The following PUM1 variants were observed in gnomAD, a reference collection of about 807,000 sequenced individuals.
PUM1 encodes pumilio homolog 1.
In PUM1, 13 loss-of-function variants were observed where a neutral mutation model predicts 131.8. That is an observed-to-expected ratio of 0.10 (90% confidence interval 0.06 to 0.16). The LOEUF is 0.16. Among genes scored for constraint, PUM1 ranks in the 10% least tolerant of loss-of-function variants. The pLI, the probability that PUM1 is intolerant of heterozygous loss-of-function variation, is 1.00. For missense variants in PUM1, 961 were observed against 1,512.4 expected (o/e 0.64, Z 6.05); for synonymous variants, 509 against 556.5 (o/e 0.91, Z 1.20).
chr1:30,955,074 A>C (rs185770060), intron 14 of PUM1, among the ~76,000 whole-genome samples: 52 of 152,022 alleles, frequency 3.4e-4, no homozygotes, highest in South Asian at 1.2e-3. Context: ...GTCTCCAAAA[A>C]AAACAAACAA....
rs1639022127 is a variant in PUM1 at position 30,933,013 on chromosome 1, CAT to C, written c.*196_*197del. Reference sequence around the variant, plus strand: ...AATTAGTCAATTAAAAAAAATAGTACATGTTATGTGTAATAAAATTAAATTTA... The same window carrying C: ...AATTAGTCAATTAAAAAAAATAGTACGTTATGTGTAATAAAATTAAATTTA... On this transcript the variant is annotated 3_prime_UTR_variant, in exon 22 of 22. Transcript: ENST00000426105. 2 of 570,760 alleles carry C rather than the reference CAT, an allele frequency of 3.5e-6. No individual in the cohort carries two copies. Among genetic ancestry groups the C allele is most frequent in the East Asian group, 3.5e-5 (1 of 28,708 alleles). The allele number at this position is 570,760 out of a possible 1,614,324, so 35.4% of individuals were successfully genotyped here. A position where few individuals can be genotyped will look rare whatever the true frequency, so the allele number is the denominator to read the frequency against.
intron 2 of PUM1, among the ~76,000 whole-genome samples, chr1:31,053,905 G>A (rs1470316601): frequency 6.6e-6 from 1 of 151,960 alleles, no homozygotes; most frequent in Non-Finnish European, 1.5e-5. Flanking sequence ...GACTAGCCTG[G>A]CCAACATGGT....
chr1:30,979,697 G>C (rs1298127502), intron 9 of PUM1, among the ~76,000 whole-genome samples: 3 of 152,104 alleles, frequency 2.0e-5, no homozygotes, highest in East Asian at 1.9e-4. Flanking sequence ...GGAGGTGAGA[G>C]AGGCAAGGAA....
chr1:30,987,073 A>AT (rs1180114746), intron 7 of PUM1, among the ~76,000 whole-genome samples: 5 of 152,202 alleles, frequency 3.3e-5, no homozygotes. Context: ...AACATACTAC[A>AT]TTAGGCTATT....
intron 1 of PUM1, among the ~76,000 whole-genome samples, chr1:31,065,396 G>A (rs189155274): frequency 1.1e-4 from 17 of 151,716 alleles, no homozygotes; most frequent in Non-Finnish European, 4.4e-5. Flanking sequence ...CTTCGACCCC[G>A]CTCCCCACCC....
chr1:30,968,544 A>ACCTAC, intron 10 of PUM1, 52 bp from the exon 11 acceptor site: 2 of 1,563,836 alleles, frequency 1.3e-6, no homozygotes, highest in Non-Finnish European at 1.7e-6. Context: ...ATTGGAGAAG[A>ACCTAC]CCTACCCTAT....
At chr1:31,010,907 A>G (rs1642587471) in intron 3 of PUM1, among the ~76,000 whole-genome samples, 1 of 152,156 alleles carries the variant, frequency 6.6e-6, no homozygotes, top group Non-Finnish European at 1.5e-5. Flanking sequence ...GGTGGCTTAC[A>G]CCTGTAATCC....
intron 10 of PUM1, among the ~76,000 whole-genome samples, chr1:30,969,390 G>C (rs2124446669): frequency 6.7e-6 from 1 of 150,130 alleles, no homozygotes; most frequent in East Asian, 1.9e-4. Context: ...AAGATGAACA[G>C]GGGTAATTTA....
intron 13 of PUM1, among the ~76,000 whole-genome samples, chr1:30,965,698 C>G (rs7515568): frequency 6.6e-6 from 1 of 151,960 alleles, no homozygotes; most frequent in Admixed American, 6.5e-5. Context: ...TCAATTTCTA[C>G]AGTTCCCTCA....
chr1:30,960,138 A>C (rs1013636514), intron 14 of PUM1, among the ~76,000 whole-genome samples: 1 of 152,214 alleles, frequency 6.6e-6, no homozygotes, highest in Non-Finnish European at 1.5e-5. Flanking sequence ...CATTTAACAC[A>C]GTCCAGGTTG....
intron 3 of PUM1, among the ~76,000 whole-genome samples, chr1:31,014,244 T>G (rs2124522178): frequency 7.1e-6 from 1 of 140,500 alleles, no homozygotes; most frequent in Non-Finnish European, 1.5e-5. Flanking sequence ...AAGGCTGCAG[T>G]GAGCCATGAT....
At chr1:30,999,358 GCACTT>G (rs2124497337) in intron 5 of PUM1, among the ~76,000 whole-genome samples, 1 of 152,208 alleles carries the variant, frequency 6.6e-6, no homozygotes, top group South Asian at 2.1e-4. Context: ...TGTAATCCCA[GCACTT>G]TGAGAGGCCG....
intron 5 of PUM1, among the ~76,000 whole-genome samples, chr1:30,996,066 A>G (rs2124491742): frequency 6.6e-6 from 1 of 152,310 alleles, no homozygotes; most frequent in East Asian, 1.9e-4. Context: ...TGGACATATA[A>G]AGTACATGTA....
intron 3 of PUM1, among the ~76,000 whole-genome samples, chr1:31,008,476 A>G (rs1642474531): frequency 6.6e-6 from 1 of 152,268 alleles, no homozygotes; most frequent in Admixed American, 6.5e-5. Context: ...TATAAGTAGC[A>G]GTCTTCCTGG....
At chr1:31,061,127 G>A (rs1449630586) in intron 1 of PUM1, among the ~76,000 whole-genome samples, 1 of 152,062 alleles carries the variant, frequency 6.6e-6, no homozygotes, top group African/African-American at 2.4e-5. Flanking sequence ...AACAGGATGA[G>A]ACCAAACCAA....
At chr1:31,010,413 C>T (rs911683138) in intron 3 of PUM1, among the ~76,000 whole-genome samples, 3 of 152,162 alleles carry the variant, frequency 2.0e-5, no homozygotes, top group South Asian at 2.1e-4. Flanking sequence ...CAAGATGTTA[C>T]AAAAGCTGTG....
intron 3 of PUM1, among the ~76,000 whole-genome samples, chr1:31,025,545 CTTTTTT>C (rs35510099): frequency 2.3e-5 from 2 of 88,806 alleles, no homozygotes; most frequent in South Asian, 4.4e-4. Flanking sequence ...TGTTTTTTGT[CTTTTTT>C]TTTTTTTTTT....
chr1:31,007,127 T>C, intron 3 of PUM1, 25 bp from the exon 4 acceptor site: 1 of 1,527,450 alleles, frequency 6.5e-7, no homozygotes, highest in East Asian at 2.2e-5. Flanking sequence ...TAATAGATGC[T>C]TTTAAAGAAT....
chr1:30,975,517 A>ATTTTTTTT (rs751510345), intron 9 of PUM1, among the ~76,000 whole-genome samples: 4 of 84,144 alleles, frequency 4.8e-5, no homozygotes, highest in Admixed American at 1.6e-4. Flanking sequence ...TACCTGACTA[A>ATTTTTTTT]TTTTTTTTTT....
Sources: allele counts gnomAD v4.1 joint callset (sites outside exome capture counted in the v4.1 genomes callset), GRCh38; gene constraint gnomAD v4.1.1; transcripts MANE v1.5; gene names NCBI Gene and HGNC (gene_info 2026-07-23, HGNC 2026-07-21).